The following GLS variants were observed in gnomAD, a reference collection of about 807,000 sequenced individuals.
GLS encodes the protein glutaminase kidney isoform, mitochondrial.
A neutral mutation model predicts 86.7 loss-of-function variants in GLS; 36 were observed. That is an observed-to-expected ratio of 0.42 (90% CI 0.32 to 0.55). GLS has a LOEUF of 0.55. Ranked by LOEUF, GLS falls within the 20% of genes least tolerant of loss-of-function variation. GLS has a pLI of 0.17. For synonymous variants in GLS, 317 were observed against 305.9 expected (o/e 1.04, Z -0.38); for missense variants, 528 against 833.4 (o/e 0.63, Z 4.51).
At chr2:190,944,687 G>A (rs953344192) in intron 14 of GLS, among the ~76,000 whole-genome samples, 1 of 152,134 alleles carries the variant, frequency 6.6e-6, no homozygotes, top group African/African-American at 2.4e-5. Flanking sequence ...CCATTCATTG[G>A]TGTTTACTGG....
At chr2:190,937,932 T>A (rs1367968558) in intron 14 of GLS, among the ~76,000 whole-genome samples, 1 of 150,620 alleles carries the variant, frequency 6.6e-6, no homozygotes, top group African/African-American at 2.4e-5. Context: ...AAACAAAAGT[T>A]ATAATCTTGC....
chr2:190,885,965 T>A (rs1688366365), intron 1 of GLS, among the ~76,000 whole-genome samples: 1 of 151,984 alleles, frequency 6.6e-6, no homozygotes, highest in African/African-American at 2.4e-5. Context: ...CTCTGCCTCC[T>A]GGGTTCAAGT....
intron 14 of GLS, chr2:190,933,333 A>T: frequency 1.1e-6 from 1 of 906,800 alleles, no homozygotes; most frequent in Non-Finnish European, 1.3e-6. Flanking sequence ...AAAAAGGCAA[A>T]ATAATGAACC....
At position 190,900,626 on chromosome 2, in the gene GLS, A is replaced by T. The variant is rs1688906913; in HGVS notation, c.668A>T (p.Asp223Val). The change falls in exon 4 of 18, where the codon GAC becomes GTC. Residue 223 changes from aspartate to valine, a missense_variant. Coordinates refer to ENST00000320717, the MANE Select transcript of GLS (RefSeq NM_014905.5). ...TTTAGAAGAAAGTTTGTGATTCCTG[A>T]CTTTATGTCTTTTACCTCACACATT... ...QAFRRKFVIP[D>V]FMSFTSHIDE... The T allele has an allele frequency of 6.2e-7, 1 of 1,604,662 alleles. No homozygotes were observed. The highest frequency in any genetic ancestry group is 1.3e-5 in the African/African-American group (1 of 74,752).
In GLS at chr2:190,895,624, G is replaced by A; in HGVS notation, c.504G>A (p.Leu168=). ...AACAGGCACTCAAATCTACAGGATT[G>A]CGAACGTCTGATCCCAGGTTGAAAG... ...KFITALKSTG[L]RTSDPRLKEC... is the part of the protein sequence containing the mutation. Residue 168 remains leucine (L), a synonymous_variant, in exon 3 of 18, where the codon TTG becomes TTA. Transcript: ENST00000320717. This position sits in a 1 kb window ranked among gnomAD's most constrained non-coding sequence, Gnocchi z 4.2. 6.2e-7 allele frequency: 1 copy of A among 1,603,604 alleles called. No individual in the cohort carries two copies. The highest frequency in any genetic ancestry group is 8.5e-7 in the Non-Finnish European group (1 of 1,172,072).
At chr2:190,918,783 T>G (rs1249630444) in intron 7 of GLS, among the ~76,000 whole-genome samples, 1 of 152,114 alleles carries the variant, frequency 6.6e-6, no homozygotes, top group African/African-American at 2.4e-5. Flanking sequence ...ACTTGAACAT[T>G]TAGAGGCCAT....
chr2:190,886,115 C>A (rs1002865974), intron 1 of GLS, among the ~76,000 whole-genome samples: 18 of 152,296 alleles, frequency 1.2e-4, no homozygotes, highest in Admixed American at 1.2e-3. Flanking sequence ...TTGTGATACG[C>A]CTGCTTCGGC....
intron 11 of GLS, 76 bp from the exon 12 acceptor site, chr2:190,927,230 A>G: frequency 9.3e-7 from 1 of 1,076,170 alleles, no homozygotes; most frequent in Non-Finnish European, 1.3e-6. Flanking sequence ...ATGAAATACC[A>G]AATAAAATAG....
In GLS at chr2:190,924,642, C is replaced by G. The variant is rs1284932309; in HGVS notation, c.1248+49C>G. ...TATATAAATGGATGTGTCGGCTGGGCACGGTGGCTCACGCCTGTAATCCCA... is the reference window on the plus strand; with the variant it reads ...TATATAAATGGATGTGTCGGCTGGGGACGGTGGCTCACGCCTGTAATCCCA... On this transcript the variant is annotated intron_variant, in intron 11 of 17. Transcript: ENST00000320717. This position sits in a 1 kb window ranked among gnomAD's most constrained non-coding sequence, Gnocchi z 5.2. 3.1e-6 allele frequency: 3 copies of G among 981,186 alleles called. No individual in the cohort carries two copies. The highest frequency in any genetic ancestry group is 4.9e-6 in the Non-Finnish European group (3 of 607,868). The allele number at this position is 981,186 out of a possible 1,614,324, so 60.8% of individuals were successfully genotyped here.
intron 5 of GLS, among the ~76,000 whole-genome samples, chr2:190,903,251 A>T (rs1049608398): frequency 1.3e-5 from 2 of 152,216 alleles, no homozygotes; most frequent in Non-Finnish European, 2.9e-5. Flanking sequence ...TACAGTAAAA[A>T]ATATATGGGT....
intron 6 of GLS, among the ~76,000 whole-genome samples, chr2:190,909,957 A>T (rs1235663071): frequency 2.0e-5 from 3 of 152,092 alleles, no homozygotes; most frequent in Non-Finnish European, 4.4e-5. Flanking sequence ...AGGATCACTT[A>T]AGCCTGGGAG....
intron 5 of GLS, among the ~76,000 whole-genome samples, chr2:190,902,792 C>A (rs927004261): frequency 7.2e-5 from 11 of 152,010 alleles, no homozygotes; most frequent in African/African-American, 2.7e-4. Flanking sequence ...AATCAATATT[C>A]TTTTTTCACT....
At chr2:190,898,176 A>T (rs1688812016) in intron 3 of GLS, among the ~76,000 whole-genome samples, 1 of 152,070 alleles carries the variant, frequency 6.6e-6, no homozygotes, top group Non-Finnish European at 1.5e-5. Context: ...TTTCATTTGT[A>T]TGTTTGATTT....
rs1003167797 is a variant in GLS, at chr2:190,956,810, G to C, written c.1853+1992G>C. Reference sequence around the variant, plus strand: ...AGTGGTTTGTAGTTCTCCTTGAAGAGGTCCTTCACATCCCTTGTAAGTTGA... The same window carrying C: ...AGTGGTTTGTAGTTCTCCTTGAAGACGTCCTTCACATCCCTTGTAAGTTGA... On this transcript the variant is annotated intron_variant, in intron 17 of 17. Transcript: ENST00000320717. This position sits in a 1 kb window ranked among gnomAD's most constrained non-coding sequence, Gnocchi z 4.2. Among the ~76,000 whole-genome samples, 1 of 152,070 alleles carries C rather than the reference G, an allele frequency of 6.6e-6. No homozygotes were observed. The highest frequency in any genetic ancestry group is 1.9e-4 in the East Asian group (1 of 5,188).
intron 6 of GLS, among the ~76,000 whole-genome samples, chr2:190,906,250 A>G (rs941444306): frequency 6.6e-6 from 1 of 152,208 alleles, no homozygotes; most frequent in Non-Finnish European, 1.5e-5. Context: ...AAAATACCAA[A>G]TATTTTAAAA....
In GLS at chr2:190,953,559, T is replaced by G; in HGVS notation, c.1651-6T>G. On this transcript the variant is annotated splice_region_variant and splice_polypyrimidine_tract_variant and intron_variant, in intron 14 of 17. Coordinates refer to ENST00000320717, the MANE Select transcript of GLS (RefSeq NM_014905.5). This position sits in a 1 kb window ranked among gnomAD's most constrained non-coding sequence, Gnocchi z 4.0. ...TAAGGATGCCTAAACTTTCTTTTCT[T>G]CACAGGTAAAGTCAGTGATAAATCT... is the stretch of plus-strand genomic sequence containing the variant. The G allele has an allele frequency of 6.2e-7, 1 of 1,602,314 alleles. No individual in the cohort carries two copies. Among genetic ancestry groups the G allele is most frequent in the East Asian group, 2.2e-5 (1 of 44,802 alleles).
chr2:190,905,130 T>C lies in GLS; in HGVS notation c.942T>C (p.Ser314=). ...ATCGATATGTTGGAAAAGAGCCGAG[T>C]GGACTAAGATTCAACAAACTATTTT... is the stretch of plus-strand genomic sequence containing the variant. The part of the protein sequence containing the change: ...YVHRYVGKEP[S]GLRFNKLFLN... Residue 314 remains serine (S), a synonymous_variant, in exon 6 of 18, where the codon AGT becomes AGC. Transcript: ENST00000320717. This position sits in a 1 kb window ranked among gnomAD's most constrained non-coding sequence, Gnocchi z 4.6. 2 of 1,605,502 alleles carry C rather than the reference T, an allele frequency of 1.2e-6. No homozygotes were observed. Among genetic ancestry groups the C allele is most frequent in the South Asian group, 2.2e-5 (2 of 90,332 alleles).
chr2:190,902,227 A>C (rs113576470), intron 5 of GLS, among the ~76,000 whole-genome samples: 8 of 152,150 alleles, frequency 5.3e-5, no homozygotes, highest in Non-Finnish European at 1.2e-4. Context: ...TGAGACATCT[A>C]TTTTATTCAC....
In GLS at chr2:190,895,291, A is replaced by T; in HGVS notation, c.483+43A>T. ...TCTATCTTAACTTAAAAAAATCAAT[A>T]ATAATAAATATATACAGTATTATTG... On this transcript the variant is annotated intron_variant, in intron 2 of 17. Transcript: ENST00000320717. The surrounding 1 kb of genome is among the most constrained non-coding windows in gnomAD (Gnocchi z 4.2). 1 of 774,440 alleles carries T rather than the reference A, an allele frequency of 1.3e-6. No individual in the cohort carries two copies. Among genetic ancestry groups the T allele is most frequent in the South Asian group, 1.6e-5 (1 of 61,316 alleles). The allele number at this position is 774,440 out of a possible 1,614,324, so 48.0% of individuals were successfully genotyped here.
Sources: allele counts gnomAD v4.1 joint callset (sites outside exome capture counted in the v4.1 genomes callset), GRCh38; gene constraint gnomAD v4.1.1; non-coding constraint Gnocchi (gnomAD v3.1); transcripts MANE v1.5; gene names NCBI Gene and HGNC (gene_info 2026-07-23, HGNC 2026-07-21).